Variants in SPOCK1 observed in about 807,000 individuals in gnomAD.
The protein encoded by SPOCK1 is SPARC (osteonectin), cwcv and kazal like domains proteoglycan 1.
Under a neutral mutation model 55.3 loss-of-function variants are expected in SPOCK1, and 23 were observed. That is an observed-to-expected ratio of 0.42 (90% CI 0.30 to 0.59). The LOEUF (loss-of-function observed/expected upper bound fraction) is 0.59, where lower values mean the gene tolerates loss of function less well. Among genes scored for constraint, SPOCK1 ranks in the 20% least tolerant of loss-of-function variants. SPOCK1 has a pLI of 0.22. For missense variants in SPOCK1, 499 were observed against 552.5 expected, an observed-to-expected ratio of 0.90 and a Z score of 0.97; for synonymous variants, 226 against 221.0, an observed-to-expected ratio of 1.02 and a Z score of -0.20.
chr5:137,076,611 A>AGT (rs1752768511), intron 5 of SPOCK1, among the ~76,000 whole-genome samples: 1 of 145,902 alleles, frequency 6.9e-6, no homozygotes, highest in Non-Finnish European at 1.5e-5. Context: ...TGAAAGTAAA[A>AGT]AAAAAAAAAA....
intron 2 of SPOCK1, among the ~76,000 whole-genome samples, chr5:137,295,767 T>C (rs1204088783): frequency 6.6e-6 from 1 of 152,172 alleles, no homozygotes; most frequent in Non-Finnish European, 1.5e-5. Flanking sequence ...CTGATTTATG[T>C]GAATCAAATA....
chr5:137,468,734 C>T (rs1374447873), intron 2 of SPOCK1, among the ~76,000 whole-genome samples: 1 of 152,118 alleles, frequency 6.6e-6, no homozygotes, highest in Non-Finnish European at 1.5e-5. Flanking sequence ...GGGAAAAGCC[C>T]GCCTTCAGCC....
chr5:137,254,877 T>C (rs564529292), intron 3 of SPOCK1, among the ~76,000 whole-genome samples: 3 of 152,356 alleles, frequency 2.0e-5, no homozygotes, highest in South Asian at 2.1e-4. Context: ...TATGCTTCCA[T>C]TAATTGAAAG....
chr5:137,101,925 AAAC>A (rs1438638002), intron 5 of SPOCK1, among the ~76,000 whole-genome samples: 6 of 152,234 alleles, frequency 3.9e-5, no homozygotes, highest in Non-Finnish European at 8.8e-5. Flanking sequence ...CTCTTCAGCT[AAAC>A]AACATGTCTG....
chr5:137,383,756 G>A (rs914053193), intron 2 of SPOCK1, among the ~76,000 whole-genome samples: 1 of 152,246 alleles, frequency 6.6e-6, no homozygotes, highest in African/African-American at 2.4e-5. Context: ...TGCATTGACA[G>A]TCTTTCCACA....
At chr5:137,221,950 G>A (rs1023341866) in intron 3 of SPOCK1, among the ~76,000 whole-genome samples, 1 of 152,192 alleles carries the variant, frequency 6.6e-6, no homozygotes, top group South Asian at 2.1e-4. Flanking sequence ...GTTTCTGTCT[G>A]ATGAGAAAGC....
intron 3 of SPOCK1, among the ~76,000 whole-genome samples, chr5:137,211,687 C>A (rs949410924): frequency 1.3e-5 from 2 of 152,110 alleles, no homozygotes; most frequent in African/African-American, 2.4e-5. Flanking sequence ...TCAGTCCCAC[C>A]CCAACCTCTC....
intron 2 of SPOCK1, among the ~76,000 whole-genome samples, chr5:137,267,377 C>T (rs1380030887): frequency 2.6e-5 from 4 of 152,198 alleles, no homozygotes; most frequent in Non-Finnish European, 4.4e-5. Flanking sequence ...ATCAATTATA[C>T]TGTAGGTGAT....
intron 3 of SPOCK1, among the ~76,000 whole-genome samples, chr5:137,255,805 C>A (rs1267392133): frequency 2.0e-5 from 3 of 152,236 alleles, no homozygotes; most frequent in African/African-American, 7.2e-5. Context: ...CTGAATGTCA[C>A]AGTGGCTCCA....
intron 2 of SPOCK1, among the ~76,000 whole-genome samples, chr5:137,326,279 C>CA (rs34897652): frequency 0.22 from 31,466 of 140,560 alleles, 3,259 homozygotes; most frequent in Middle Eastern, 0.29. Flanking sequence ...CTTCTGCATC[C>CA]AAAAAAAAAA....
intron 2 of SPOCK1, among the ~76,000 whole-genome samples, chr5:137,400,317 G>A (rs1016419012): frequency 6.6e-6 from 1 of 152,184 alleles, no homozygotes; most frequent in Non-Finnish European, 1.5e-5. Flanking sequence ...AGACTCTGCA[G>A]CTCCCCAGGA....
At chr5:137,100,741 G>A (rs1442301039) in intron 5 of SPOCK1, among the ~76,000 whole-genome samples, 1 of 152,142 alleles carries the variant, frequency 6.6e-6, no homozygotes, top group Non-Finnish European at 1.5e-5. Flanking sequence ...GCTACTGGAG[G>A]TTTGCTGTTC....
intron 4 of SPOCK1, among the ~76,000 whole-genome samples, chr5:137,116,419 T>G (rs993236123): frequency 6.6e-6 from 1 of 151,830 alleles, no homozygotes; most frequent in African/African-American, 2.4e-5. Flanking sequence ...CTGAGGCGGG[T>G]GGATCACCTG....
chr5:137,033,815 G>C (rs1751829482), intron 6 of SPOCK1, among the ~76,000 whole-genome samples: 1 of 151,962 alleles, frequency 6.6e-6, no homozygotes. Context: ...TGTTGCCCAG[G>C]CTGGTCTTGA....
chr5:137,422,198 G>C (rs949709785), intron 2 of SPOCK1, among the ~76,000 whole-genome samples: 42 of 151,832 alleles, frequency 2.8e-4, no homozygotes, highest in African/African-American at 9.7e-4. Context: ...CCCAACCTTT[G>C]TCTCTGGCTG....
intron 6 of SPOCK1, among the ~76,000 whole-genome samples, chr5:137,024,873 G>A (rs2126982246): frequency 6.6e-6 from 1 of 152,278 alleles, no homozygotes; most frequent in Non-Finnish European, 1.5e-5. Flanking sequence ...CCCATGAAGA[G>A]ATGAATGGAA....
chr5:137,451,986 T>TTA (rs1414562467), intron 2 of SPOCK1, among the ~76,000 whole-genome samples: 6 of 152,208 alleles, frequency 3.9e-5, no homozygotes, highest in African/African-American at 1.4e-4. Context: ...AATACATGCA[T>TTA]TATATACTGA....
intron 6 of SPOCK1, among the ~76,000 whole-genome samples, chr5:137,036,975 G>C (rs1308574765): frequency 6.6e-6 from 1 of 152,182 alleles, no homozygotes; most frequent in East Asian, 1.9e-4. Context: ...CTGGGAGAGA[G>C]AGAGAGTGGC....
intron 3 of SPOCK1, among the ~76,000 whole-genome samples, chr5:137,180,992 C>T (rs1456169352): frequency 1.3e-5 from 2 of 152,096 alleles, no homozygotes; most frequent in Non-Finnish European, 1.5e-5. Flanking sequence ...GGGCACCAGG[C>T]AGAAAGATGG....
Sources: gnomAD v4.1 joint callset for allele counts (sites outside exome capture counted in the v4.1 genomes callset) on GRCh38, gnomAD v4.1.1 for gene constraint, MANE v1.5 for transcripts, NCBI Gene and HGNC (gene_info 2026-07-23, HGNC 2026-07-21) for gene names.